Variants in PCA3 observed in about 807,000 individuals in gnomAD.
The protein encoded by PCA3 is Differential Display code 3.
At chr9:76,779,136 C>A (rs2131150483) in intron 2 of PCA3, among the ~76,000 whole-genome samples, 1 of 151,848 alleles carries the variant, frequency 6.6e-6, no homozygotes, top group African/African-American at 2.4e-5. Flanking sequence ...AATGTAGACG[C>A]AAATTTTCTG....
At chr9:76,776,234 C>A (rs139404183) in intron 2 of PCA3, among the ~76,000 whole-genome samples, 1 of 152,274 alleles carries the variant, frequency 6.6e-6, no homozygotes, top group African/African-American at 2.4e-5. Flanking sequence ...GTAGCCATCA[C>A]CTGAATAGCA....
chr9:76,781,508 G>A (rs1564290115), intron 2 of PCA3, among the ~76,000 whole-genome samples: 2 of 152,260 alleles, frequency 1.3e-5, no homozygotes, highest in East Asian at 3.9e-4. Flanking sequence ...TATTGTATAT[G>A]CTTGGTTTAT....
intron 2 of PCA3, among the ~76,000 whole-genome samples, chr9:76,775,137 G>A (rs2053597702): frequency 6.6e-6 from 1 of 152,140 alleles, no homozygotes; most frequent in Admixed American, 6.5e-5. Context: ...AAGTTTATTT[G>A]GTCGGGGGGA....
chr9:76,768,768 A>G (rs991237589), intron 2 of PCA3, among the ~76,000 whole-genome samples: 4 of 152,140 alleles, frequency 2.6e-5, no homozygotes, highest in African/African-American at 9.7e-5. Context: ...AGTAATTGGA[A>G]TCTTCTATGA....
intron 2 of PCA3, among the ~76,000 whole-genome samples, chr9:76,780,263 G>A (rs545690827): frequency 1.6e-4 from 24 of 152,122 alleles, no homozygotes; most frequent in Middle Eastern, 3.4e-3. Context: ...AAGCAGCTGC[G>A]CACTCCCCCA....
chr9:76,785,148 A>G (rs1303470662), intron 2 of PCA3: 1 of 152,216 alleles, frequency 6.6e-6, no homozygotes, highest in East Asian at 1.9e-4. Flanking sequence ...CCATGCACCT[A>G]AACAAAATCT....
intron 2 of PCA3, among the ~76,000 whole-genome samples, chr9:76,767,239 G>A (rs1019951037): frequency 1.5e-4 from 23 of 152,056 alleles, no homozygotes; most frequent in Non-Finnish European, 1.6e-4. Context: ...ATCACTTGAG[G>A]TCGGGAGTTC....
At chr9:76,772,694 G>C (rs1260320183) in intron 2 of PCA3, among the ~76,000 whole-genome samples, 2 of 152,094 alleles carry the variant, frequency 1.3e-5, no homozygotes, top group Non-Finnish European at 2.9e-5. Context: ...CTCCCCAGTA[G>C]CTGGGACTAT....
chr9:76,764,727 A>G (rs776888497), intron 2 of PCA3, among the ~76,000 whole-genome samples: 1 of 152,178 alleles, frequency 6.6e-6, no homozygotes, highest in African/African-American at 2.4e-5. Context: ...CAGGGACACC[A>G]GTTAAGTTAT....
chr9:76,770,913 T>C (rs1589129909), intron 2 of PCA3, among the ~76,000 whole-genome samples: 1 of 152,156 alleles, frequency 6.6e-6, no homozygotes, highest in South Asian at 2.1e-4. Flanking sequence ...ATACCAAAAA[T>C]TAAATTTCAA....
chr9:76,768,135 TCCCCTC>T (rs1338789145), intron 2 of PCA3, among the ~76,000 whole-genome samples: 1 of 151,354 alleles, frequency 6.6e-6, no homozygotes, highest in Non-Finnish European at 1.5e-5. Flanking sequence ...TAAGTCTAAT[TCCCCTC>T]CCCAGAAAGC....
intron 2 of PCA3, chr9:76,783,900 T>C (rs567247885): frequency 1.3e-5 from 2 of 152,342 alleles, no homozygotes; most frequent in African/African-American, 4.8e-5. Context: ...AAGTGCTTTA[T>C]AAAGCACTCA....
intron 2 of PCA3, among the ~76,000 whole-genome samples, chr9:76,783,454 G>C (rs904266874): frequency 6.8e-4 from 104 of 152,222 alleles, no homozygotes; most frequent in African/African-American, 2.5e-3. Flanking sequence ...ATGACCTGTG[G>C]GATCTCTAGA....
intron 2 of PCA3, among the ~76,000 whole-genome samples, chr9:76,772,686 C>G (rs1328008834): frequency 2.0e-5 from 3 of 152,156 alleles, no homozygotes; most frequent in African/African-American, 4.8e-5. Flanking sequence ...ACCTCAGCCT[C>G]CCCAGTAGCT....
At chr9:76,782,236 AT>A (rs1314468771) in intron 2 of PCA3, among the ~76,000 whole-genome samples, 1 of 152,094 alleles carries the variant, frequency 6.6e-6, no homozygotes, top group Non-Finnish European at 1.5e-5. Flanking sequence ...AAAAGAAAGC[AT>A]TGGGAAAGCC....
chr9:76,776,607 C>T (rs1475730550), intron 2 of PCA3, among the ~76,000 whole-genome samples: 1 of 150,300 alleles, frequency 6.7e-6, no homozygotes, highest in Admixed American at 6.7e-5. Context: ...ATCCGCCTCC[C>T]GAGTTCAAGC....
intron 2 of PCA3, among the ~76,000 whole-genome samples, chr9:76,769,026 A>G (rs1789370139): frequency 6.6e-6 from 1 of 152,170 alleles, no homozygotes; most frequent in Admixed American, 6.5e-5. Flanking sequence ...TGACAGTTTA[A>G]GAGATATTCT....
At chr9:76,770,823 C>T (rs2130932253) in intron 2 of PCA3, among the ~76,000 whole-genome samples, 1 of 152,286 alleles carries the variant, frequency 6.6e-6, no homozygotes, top group East Asian at 1.9e-4. Flanking sequence ...GAAATGACTG[C>T]TCATAATGGT....
chr9:76,766,946 T>G (rs1247502783), intron 2 of PCA3, among the ~76,000 whole-genome samples: 1 of 152,142 alleles, frequency 6.6e-6, no homozygotes, highest in Non-Finnish European at 1.5e-5. Flanking sequence ...TTTCCTTATT[T>G]ATTGTTTATC....
Sources: allele counts gnomAD v4.1 joint callset (sites outside exome capture counted in the v4.1 genomes callset), GRCh38; gene constraint gnomAD v4.1.1; transcripts MANE v1.5; gene names NCBI Gene and HGNC (gene_info 2026-07-23, HGNC 2026-07-21).